Variants in PTPRK observed in about 807,000 individuals in gnomAD.
PTPRK encodes protein tyrosine phosphatase receptor type K, also known as receptor-type tyrosine-protein phosphatase kappa.
In PTPRK, 75 loss-of-function variants were observed where a neutral mutation model predicts 178.0. The observed-to-expected ratio is 0.42, with a 90% CI of 0.35 to 0.51. The LOEUF is 0.51. Ranked by LOEUF, PTPRK falls within the 20% of genes least tolerant of loss-of-function variation. PTPRK has a pLI of 0.02. For synonymous variants in PTPRK, 637 were observed against 620.6 expected (o/e 1.03, Z -0.39); for missense variants, 1,441 against 1,797.8 (o/e 0.80, Z 3.59).
At chr6:128,262,958 C>T (rs577837885) in intron 3 of PTPRK, among the ~76,000 whole-genome samples, 151 of 151,602 alleles carry the variant, frequency 1.0e-3, no homozygotes, top group African/African-American at 3.1e-3. Flanking sequence ...GGCAGACCCA[C>T]GTCTACCATA....
At chr6:128,390,380 A>G (rs1335395512) in intron 2 of PTPRK, among the ~76,000 whole-genome samples, 2 of 152,202 alleles carry the variant, frequency 1.3e-5, no homozygotes, top group African/African-American at 2.4e-5. Context: ...AATATCATAG[A>G]GAAAATCCTG....
At chr6:128,149,491 A>G (rs1053169463) in intron 7 of PTPRK, among the ~76,000 whole-genome samples, 11 of 152,176 alleles carry the variant, frequency 7.2e-5, no homozygotes, top group African/African-American at 2.7e-4. Flanking sequence ...TGTTGCTAAC[A>G]TGCATTAGAC....
chr6:128,080,653 C>G (rs1185640390), intron 10 of PTPRK, among the ~76,000 whole-genome samples: 1 of 151,806 alleles, frequency 6.6e-6, no homozygotes, highest in African/African-American at 2.4e-5. Context: ...AAATAATTCC[C>G]CCAACAGTTA....
intron 7 of PTPRK, among the ~76,000 whole-genome samples, chr6:128,139,374 A>C (rs1001925251): frequency 6.6e-6 from 1 of 152,086 alleles, no homozygotes; most frequent in Non-Finnish European, 1.5e-5. Context: ...CATTTTAAGA[A>C]TAAAATGTCA....
intron 3 of PTPRK, among the ~76,000 whole-genome samples, chr6:128,282,965 A>G (rs1302937995): frequency 6.6e-6 from 1 of 152,208 alleles, no homozygotes; most frequent in Non-Finnish European, 1.5e-5. Context: ...ATAAGTATAA[A>G]AAATATGAAT....
chr6:128,505,163 G>A (rs1856140403), intron 1 of PTPRK, among the ~76,000 whole-genome samples: 2 of 149,926 alleles, frequency 1.3e-5, no homozygotes, highest in African/African-American at 2.5e-5. Context: ...GAGTGCAGTG[G>A]CGAAATCTCG....
At chr6:128,293,043 C>G (rs1031209023) in intron 3 of PTPRK, among the ~76,000 whole-genome samples, 2 of 151,446 alleles carry the variant, frequency 1.3e-5, no homozygotes, top group African/African-American at 4.9e-5. Flanking sequence ...AAAGTTTCAC[C>G]CAGGCTTTTA....
At chr6:128,151,802 A>G (rs1219889265) in intron 7 of PTPRK, among the ~76,000 whole-genome samples, 1 of 152,062 alleles carries the variant, frequency 6.6e-6, no homozygotes, top group African/African-American at 2.4e-5. Flanking sequence ...ATGATTAATG[A>G]GTAAATACTA....
At chr6:128,243,883 T>C (rs1814966168) in intron 3 of PTPRK, among the ~76,000 whole-genome samples, 1 of 152,110 alleles carries the variant, frequency 6.6e-6, no homozygotes, top group Admixed American at 6.6e-5. Context: ...TATAATCAAA[T>C]TGGTCTAATA....
At chr6:128,044,232 T>C (rs1285422053) in intron 13 of PTPRK, among the ~76,000 whole-genome samples, 1 of 152,022 alleles carries the variant, frequency 6.6e-6, no homozygotes, top group Non-Finnish European at 1.5e-5. Context: ...CAAAAACCTA[T>C]CATTCTTCAT....
chr6:127,980,034 G>A (rs747936229), intron 25 of PTPRK, among the ~76,000 whole-genome samples: 16 of 152,064 alleles, frequency 1.1e-4, no homozygotes, highest in Non-Finnish European at 1.5e-4. Context: ...AAAAAGGCCC[G>A]GCACGGTGGC....
At chr6:128,234,057 A>G (rs1023527264) in intron 5 of PTPRK, among the ~76,000 whole-genome samples, 5 of 152,234 alleles carry the variant, frequency 3.3e-5, no homozygotes, top group African/African-American at 1.2e-4. Context: ...GGACCTTCAT[A>G]ATAGAATACT....
At chr6:128,366,676 C>T (rs1835534788) in intron 2 of PTPRK, among the ~76,000 whole-genome samples, 1 of 152,092 alleles carries the variant, frequency 6.6e-6, no homozygotes, top group South Asian at 2.1e-4. Context: ...GAGACTGTGA[C>T]AACAATGCCT....
At chr6:128,020,721 T>C (rs1369258597) in intron 13 of PTPRK, among the ~76,000 whole-genome samples, 1 of 152,180 alleles carries the variant, frequency 6.6e-6, no homozygotes, top group East Asian at 1.9e-4. Flanking sequence ...TGATGTGATC[T>C]AAAATAGTAA....
chr6:128,268,724 A>C (rs1319203075), intron 3 of PTPRK, among the ~76,000 whole-genome samples: 1 of 152,042 alleles, frequency 6.6e-6, no homozygotes, highest in Admixed American at 6.6e-5. Flanking sequence ...CTGATCACCT[A>C]CCTTTAAATC....
At chr6:128,003,691 T>TA (rs956700286) in intron 15 of PTPRK, among the ~76,000 whole-genome samples, 3 of 151,872 alleles carry the variant, frequency 2.0e-5, no homozygotes, top group African/African-American at 7.2e-5. Flanking sequence ...AGGCAATAGA[T>TA]AGACAAGTTT....
intron 2 of PTPRK, among the ~76,000 whole-genome samples, chr6:128,362,382 G>A (rs1834896714): frequency 7.2e-5 from 1 of 13,932 alleles, no homozygotes; most frequent in Non-Finnish European, 4.3e-4. Flanking sequence ...ACCAAGACTG[G>A]GGATTGCAAT....
intron 7 of PTPRK, among the ~76,000 whole-genome samples, chr6:128,107,449 A>G (rs1179212670): frequency 6.6e-6 from 1 of 152,158 alleles, no homozygotes; most frequent in African/African-American, 2.4e-5. Flanking sequence ...ATTTTGAAAC[A>G]CTTCCCCTAA....
At chr6:128,297,869 T>G (rs1405533372) in intron 3 of PTPRK, among the ~76,000 whole-genome samples, 1 of 151,878 alleles carries the variant, frequency 6.6e-6, no homozygotes, top group Non-Finnish European at 1.5e-5. Flanking sequence ...AAGAAATAAC[T>G]AAAATCAGAG....
Sources: gnomAD v4.1 joint callset for allele counts (sites outside exome capture counted in the v4.1 genomes callset) on GRCh38, gnomAD v4.1.1 for gene constraint, MANE v1.5 for transcripts, NCBI Gene and HGNC (gene_info 2026-07-23, HGNC 2026-07-21) for gene names.